The following POFUT2 variants were observed in gnomAD, a reference collection of about 807,000 sequenced individuals.
The protein encoded by POFUT2 is GDP-fucose protein O-fucosyltransferase 2.
A neutral mutation model predicts 55.0 loss-of-function variants in POFUT2; 30 were observed. That is an observed-to-expected ratio of 0.55 (90% CI 0.41 to 0.74). The LOEUF is 0.74. Among genes scored for constraint, POFUT2 ranks in the 30% least tolerant of loss-of-function variants. The pLI is 0.00. For synonymous variants in POFUT2, 267 were observed against 231.1 expected (o/e 1.16, Z -1.41); for missense variants, 524 against 562.6 (o/e 0.93, Z 0.69).
rs2030041168 is a variant in POFUT2, at chr21:45,278,189, G to A, written c.639-20C>T. 1.3e-6 allele frequency: 2 copies of A among 1,593,678 alleles called. No individual in the cohort carries two copies. Among genetic ancestry groups the A allele is most frequent in the African/African-American group, 1.3e-5 (1 of 74,496 alleles). ...ACGGACCTGTTTTTAAACAACAGAA[G>A]AATAAACAGTTATAAGAGTTAAGGA... On this transcript the variant is annotated intron_variant, in intron 4 of 8. Transcript: ENST00000349485.
chr21:45,275,534 C>G (rs1239075691), intron 6 of POFUT2, among the ~76,000 whole-genome samples: 1 of 152,212 alleles, frequency 6.6e-6, no homozygotes, highest in African/African-American at 2.4e-5. Flanking sequence ...GCCCATTGAC[C>G]AATGAGTGGA....
chr21:45,284,264 G>A lies in POFUT2; in HGVS notation c.383-737C>T, dbSNP rs59081765. On this transcript the variant is annotated intron_variant, in intron 2 of 8. Coordinates refer to ENST00000349485, the MANE Select transcript of POFUT2 (RefSeq NM_133635.6). This position sits in a 1 kb window ranked among gnomAD's most constrained non-coding sequence, Gnocchi z 5.8. ...GGAACAAAGCGGGAGGGAGCATCGC[G>A]AAGGTGAAGTTCTGGTATCCTTTTT... Among the ~76,000 whole-genome samples the A allele has an allele frequency of 0.073, 11,174 of 152,176 alleles. 594 individuals are homozygous for A. The highest frequency in any genetic ancestry group is 0.14 in the African/African-American group (5,857 of 41,502).
intron 2 of POFUT2, 86 bp from the exon 3 acceptor site, chr21:45,283,613 T>G: frequency 1.5e-6 from 2 of 1,373,276 alleles, no homozygotes; most frequent in Non-Finnish European, 2.0e-6. Flanking sequence ...CAGCTGACTC[T>G]TACTACTGTA....
intron 7 of POFUT2, among the ~76,000 whole-genome samples, chr21:45,268,775 G>C (rs200043293): frequency 1.5e-5 from 2 of 137,244 alleles, no homozygotes; most frequent in African/African-American, 5.5e-5. Flanking sequence ...AGTGAGGAGC[G>C]TCTCCGCCCG....
chr21:45,264,954 A>C lies in POFUT2; in HGVS notation c.*528T>G, dbSNP rs1728530581. 1 of 152,664 alleles carries C rather than the reference A, an allele frequency of 6.6e-6. No homozygotes were observed. Among genetic ancestry groups the C allele is most frequent in the Non-Finnish European group, 1.5e-5 (1 of 68,392 alleles). 9.5% of individuals were successfully genotyped at this position (152,664 alleles called of 1,614,324 possible). A position where few individuals can be genotyped will look rare whatever the true frequency, so the allele number is the denominator to read the frequency against. On this transcript the variant is annotated 3_prime_UTR_variant, in exon 9 of 9. Transcript: ENST00000349485. ...TTGCACGCATCCCAGGAGGAAACAC[A>C]CAGGCAGCCTCCTGCTGCGCGGAGG...
chr21:45,274,426 A>G (rs2093245288), intron 6 of POFUT2, among the ~76,000 whole-genome samples: 1 of 152,234 alleles, frequency 6.6e-6, no homozygotes, highest in African/African-American at 2.4e-5. Context: ...TCAAAATGCC[A>G]TCATCATTCT....
rs1272906302 is a variant in POFUT2 at position 45,270,893 on chromosome 21, A to G, written c.832-874T>C. On this transcript the variant is annotated intron_variant, in intron 6 of 8. Transcript: ENST00000349485. The surrounding 1 kb of genome is among the most constrained non-coding windows in gnomAD (Gnocchi z 4.6). Reference sequence around the variant, plus strand: ...CCCCGTGGGATAAAAGAATCTGAACAGTAGCCCGTGAGTTCCAGATCTTTC... The same window carrying G: ...CCCCGTGGGATAAAAGAATCTGAACGGTAGCCCGTGAGTTCCAGATCTTTC... Among the ~76,000 whole-genome samples the G allele has an allele frequency of 6.6e-6, 1 of 152,248 alleles. No homozygotes were observed. Among genetic ancestry groups the G allele is most frequent in the Non-Finnish European group, 1.5e-5 (1 of 68,050 alleles).
chr21:45,280,818 C>T (rs1043199648), intron 4 of POFUT2, among the ~76,000 whole-genome samples: 2 of 151,736 alleles, frequency 1.3e-5, no homozygotes, highest in Non-Finnish European at 2.9e-5. Context: ...CCAGGCTGCC[C>T]GTCCCTCACT....
intron 6 of POFUT2, among the ~76,000 whole-genome samples, chr21:45,273,506 G>A (rs983250069): frequency 2.0e-5 from 3 of 151,908 alleles, no homozygotes; most frequent in African/African-American, 7.2e-5. Context: ...GAGAAAGAGG[G>A]AATCCTCCAT....
chr21:45,267,030 G>A lies in POFUT2; in HGVS notation c.1136+560C>T. 1 of 1,066,598 alleles carries A rather than the reference G, an allele frequency of 9.4e-7. No homozygotes were observed. Among genetic ancestry groups the A allele is most frequent in the South Asian group, 2.8e-5 (1 of 35,450 alleles). The allele number at this position is 1,066,598 out of a possible 1,614,324, so 66.1% of individuals were successfully genotyped here. On this transcript the variant is annotated intron_variant, in intron 8 of 8. Coordinates refer to ENST00000349485, the MANE Select transcript of POFUT2 (RefSeq NM_133635.6). The surrounding 1 kb of genome is among the most constrained non-coding windows in gnomAD (Gnocchi z 4.4). ...GCTCCCGGCCTCTGGGACGCTCACG[G>A]CAGCCCCACGAGAATGATCACACGA...
At position 45,285,783 on chromosome 21, in the gene POFUT2, G is replaced by C; in HGVS notation, c.277C>G (p.Gln93Glu). The C allele has an allele frequency of 6.2e-7, 1 of 1,613,766 alleles. No individual in the cohort carries two copies. Among genetic ancestry groups the C allele is most frequent in the Non-Finnish European group, 8.5e-7 (1 of 1,179,980 alleles). The change falls in exon 2 of 9, where the codon CAG (glutamine) becomes GAG (glutamate). Residue 93 changes from glutamine to glutamate, a missense_variant. Transcript: ENST00000349485. This position sits in a 1 kb window ranked among gnomAD's most constrained non-coding sequence, Gnocchi z 4.9. ...LPPWGRLYHW[Q>E]SPDIHQVRIP... ...CGGACCTGGTGGATGTCAGGACTCTGCCAGTGATAGAGGCGGCCCCATGGA... is the reference window on the plus strand; with the variant it reads ...CGGACCTGGTGGATGTCAGGACTCTCCCAGTGATAGAGGCGGCCCCATGGA...
Position 45,282,887 on chromosome 21 carries a change from T to C in POFUT2, c.528-428A>G, listed in dbSNP as rs1364762743. The C allele has an allele frequency of 4.2e-6, 2 of 476,008 alleles. No individual in the cohort carries two copies. Among genetic ancestry groups the C allele is most frequent in the South Asian group, 1.5e-5 (1 of 64,612 alleles). 29.5% of individuals were successfully genotyped at this position (476,008 alleles called of 1,614,324 possible). A position where few individuals can be genotyped will look rare whatever the true frequency, so the allele number is the denominator to read the frequency against. On this transcript the variant is annotated intron_variant, in intron 3 of 8. Transcript: ENST00000349485. This position sits in a 1 kb window ranked among gnomAD's most constrained non-coding sequence, Gnocchi z 4.6. The stretch of plus-strand genomic sequence containing the variant: ...AGCTTTTCCACAGGAGGCCTGGTAG[T>C]GTCAGAGCCTTTAATGGCAATCGAC...
rs2093136348 is a variant in POFUT2 at position 45,264,484 on chromosome 21, A to G, written c.*998T>C. 6.6e-6 allele frequency: 1 copy of G among 152,278 alleles called. No homozygotes were observed. The highest frequency in any genetic ancestry group is 6.5e-5 in the Admixed American group (1 of 15,286). The allele number at this position is 152,278 out of a possible 1,614,324, so 9.4% of individuals were successfully genotyped here. A position where few individuals can be genotyped will look rare whatever the true frequency, so the allele number is the denominator to read the frequency against. ...CCTCGTGGTGGTGGCACAAAGACCT[A>G]AAAATGATTTCTGTAAAATGGGTAC... On this transcript the variant is annotated 3_prime_UTR_variant, in exon 9 of 9. Transcript: ENST00000349485.
In POFUT2 at chr21:45,277,814, G is replaced by A. The variant is rs1394532963; in HGVS notation, c.705+289C>T. On this transcript the variant is annotated intron_variant, in intron 5 of 8. Transcript: ENST00000349485. The surrounding 1 kb of genome is among the most constrained non-coding windows in gnomAD (Gnocchi z 6.9). ...AGGAGGGGTCTACGTTCCAGCCACT[G>A]ACGGAGTCACTGACTCCGGGGCTGA... 4.1e-6 allele frequency: 2 copies of A among 491,330 alleles called. No homozygotes were observed. The highest frequency in any genetic ancestry group is 2.0e-5 in the African/African-American group (1 of 51,270). 30.4% of individuals were successfully genotyped at this position (491,330 alleles called of 1,614,324 possible). A position where few individuals can be genotyped will look rare whatever the true frequency, so the allele number is the denominator to read the frequency against.
chr21:45,287,721 C>T lies in POFUT2; in HGVS notation c.131+20G>A, dbSNP rs776567342. 5 of 1,261,290 alleles carry T rather than the reference C, an allele frequency of 4.0e-6. No individual in the cohort carries two copies. Among genetic ancestry groups the T allele is most frequent in the Non-Finnish European group, 5.1e-6 (5 of 978,166 alleles). 78.1% of individuals were successfully genotyped at this position (1,261,290 alleles called of 1,614,324 possible). ...CCCGGTCCTGGAACCCCAGCGTTGG[C>T]ACCGTGGACGCGCGTTTACCGTCTG... is the stretch of plus-strand genomic sequence containing the variant. On this transcript the variant is annotated intron_variant, in intron 1 of 8. Transcript: ENST00000349485.
Position 45,267,940 on chromosome 21 carries a change from G to C in POFUT2, c.1013-227C>G, listed in dbSNP as rs1487098708. 6.6e-6 allele frequency among the ~76,000 whole-genome samples: 1 copy of C among 152,150 alleles called. No individual in the cohort carries two copies. Among genetic ancestry groups the C allele is most frequent in the Non-Finnish European group, 1.5e-5 (1 of 68,018 alleles). ...TCCAGGTCTACCCAGAACAGAACCA[G>C]GGATCAAGAAGAAAGGAAAGAAACG... On this transcript the variant is annotated intron_variant, in intron 7 of 8. Transcript: ENST00000349485. The surrounding 1 kb of genome is among the most constrained non-coding windows in gnomAD (Gnocchi z 4.4).
At chr21:45,279,356 C>G (rs941406044) in intron 4 of POFUT2, among the ~76,000 whole-genome samples, 18 of 152,200 alleles carry the variant, frequency 1.2e-4, no homozygotes, top group African/African-American at 4.3e-4. Flanking sequence ...GATCGCGCCA[C>G]TGCACTCCAG....
chr21:45,287,186 GCCCGGC>G (rs1362419416), intron 1 of POFUT2, among the ~76,000 whole-genome samples: 1 of 33,204 alleles, frequency 3.0e-5, no homozygotes, highest in Non-Finnish European at 5.7e-5. Context: ...CCAGACTCCA[GCCCGGC>G]CCCGGCCCCT....
In POFUT2 at chr21:45,265,083, C is replaced by T. The variant is rs575990719; in HGVS notation, c.*399G>A. 6 of 160,204 alleles carry T rather than the reference C, an allele frequency of 3.7e-5. No individual in the cohort carries two copies. Among genetic ancestry groups the T allele is most frequent in the South Asian group, 4.0e-4 (2 of 5,004 alleles). The allele number at this position is 160,204 out of a possible 1,614,324, so 9.9% of individuals were successfully genotyped here. ...GAAATGTCAGCCCGGGTCCACCTGACGGAGGGCAGCTCACCCGCCTGCATC... is the reference window on the plus strand; with the variant it reads ...GAAATGTCAGCCCGGGTCCACCTGATGGAGGGCAGCTCACCCGCCTGCATC... On this transcript the variant is annotated 3_prime_UTR_variant, in exon 9 of 9. Coordinates refer to ENST00000349485, the MANE Select transcript of POFUT2 (RefSeq NM_133635.6). The surrounding 1 kb of genome is among the most constrained non-coding windows in gnomAD (Gnocchi z 4.6).
Sources: gnomAD v4.1 joint callset for allele counts (sites outside exome capture counted in the v4.1 genomes callset) on GRCh38, gnomAD v4.1.1 for gene constraint, Gnocchi (gnomAD v3.1) non-coding constraint, MANE v1.5 for transcripts, NCBI Gene and HGNC (gene_info 2026-07-23, HGNC 2026-07-21) for gene names.